Variants in MVB12B observed in about 807,000 individuals in gnomAD.
MVB12B encodes ESCRT-I complex subunit MVB12B.
MVB12B carries 16 observed loss-of-function variants against 41.6 expected under a neutral mutation model. The observed-to-expected ratio is 0.38, with a 90% CI of 0.26 to 0.58. The LOEUF (loss-of-function observed/expected upper bound fraction) is 0.58. Among genes scored for constraint, MVB12B ranks in the 20% least tolerant of loss-of-function variants. The probability of loss-of-function intolerance (pLI) is 0.62; values close to 1 mark genes in which losing one functional copy is unlikely to be tolerated. For synonymous variants in MVB12B, 133 were observed against 139.7 expected (o/e 0.95, Z 0.34); for missense variants, 274 against 380.2 (o/e 0.72, Z 2.32).
chr9:126,477,111 G>A (rs1203594094), intron 7 of MVB12B, among the ~76,000 whole-genome samples: 1 of 152,096 alleles, frequency 6.6e-6, no homozygotes, highest in Non-Finnish European at 1.5e-5. Context: ...GCCCCAGGAA[G>A]CTTCCAGTCA....
intron 3 of MVB12B, among the ~76,000 whole-genome samples, chr9:126,384,834 ATTTT>A (rs11299290): frequency 1.1e-4 from 12 of 111,018 alleles, no homozygotes; most frequent in Admixed American, 9.3e-5. Context: ...TGCCTGGCAG[ATTTT>A]TTTTTTTTTT....
At chr9:126,498,278 G>A (rs1833879746) in intron 9 of MVB12B, among the ~76,000 whole-genome samples, 1 of 152,194 alleles carries the variant, frequency 6.6e-6, no homozygotes, top group Non-Finnish European at 1.5e-5. Context: ...GGGGGGCTTG[G>A]AGAAGCAGAC....
intron 9 of MVB12B, among the ~76,000 whole-genome samples, chr9:126,492,677 A>G (rs1308774190): frequency 6.6e-6 from 1 of 152,146 alleles, no homozygotes; most frequent in African/African-American, 2.4e-5. Flanking sequence ...CCCCATCGCT[A>G]CAAAAATAAA....
At chr9:126,369,262 C>T (rs1461209829) in intron 2 of MVB12B, among the ~76,000 whole-genome samples, 3 of 152,194 alleles carry the variant, frequency 2.0e-5, no homozygotes, top group Non-Finnish European at 4.4e-5. Flanking sequence ...ATTCCTTATG[C>T]ACATTTGTGA....
At chr9:126,502,194 C>T (rs955153155) in intron 9 of MVB12B, among the ~76,000 whole-genome samples, 2 of 152,190 alleles carry the variant, frequency 1.3e-5, no homozygotes, top group East Asian at 1.9e-4. Flanking sequence ...GCTGCCTTGA[C>T]GCAGGGTTCC....
At chr9:126,460,441 G>A (rs1481074986) in intron 7 of MVB12B, among the ~76,000 whole-genome samples, 1 of 152,192 alleles carries the variant, frequency 6.6e-6, no homozygotes, top group African/African-American at 2.4e-5. Context: ...ATCCAGCTGT[G>A]CTCTTGGTCA....
intron 5 of MVB12B, among the ~76,000 whole-genome samples, chr9:126,393,972 C>T (rs927120010): frequency 6.6e-6 from 1 of 152,354 alleles, no homozygotes; most frequent in South Asian, 2.1e-4. Flanking sequence ...GATGAGCCCT[C>T]GTGGCATTTG....
chr9:126,447,607 T>C (rs1016559295), intron 7 of MVB12B, among the ~76,000 whole-genome samples: 1 of 152,208 alleles, frequency 6.6e-6, no homozygotes, highest in Non-Finnish European at 1.5e-5. Flanking sequence ...ATATATCAGT[T>C]TTACTAAATG....
chr9:126,448,426 T>C (rs1380249039), intron 7 of MVB12B: 1 of 152,272 alleles, frequency 6.6e-6, no homozygotes, highest in Non-Finnish European at 1.5e-5. Context: ...TCTATTCTTA[T>C]GGTTCACCAT....
intron 2 of MVB12B, among the ~76,000 whole-genome samples, chr9:126,354,630 A>G (rs905606003): frequency 1.3e-5 from 2 of 152,242 alleles, no homozygotes; most frequent in African/African-American, 4.8e-5. Context: ...CTACACTGAG[A>G]AGGACACAGC....
rs913522732 is a variant in MVB12B at position 126,376,124 on chromosome 9, C to T, written c.205-4940C>T. 4.1e-4 allele frequency among the ~76,000 whole-genome samples: 62 copies of T among 152,312 alleles called. No homozygotes were observed. The highest frequency in any genetic ancestry group is 1.3e-3 in the African/African-American group (55 of 41,564). On this transcript the variant is annotated intron_variant, in intron 2 of 9. Coordinates refer to ENST00000361171, the MANE Select transcript of MVB12B (RefSeq NM_033446.3). The surrounding 1 kb of genome is among the most constrained non-coding windows in gnomAD (Gnocchi z 4.1). Reference sequence around the variant, plus strand: ...TTTTCATTCCTATAATTGATCTCTTCATCTCTGTACTTTACCTTCTGGAAG... The same window carrying T: ...TTTTCATTCCTATAATTGATCTCTTTATCTCTGTACTTTACCTTCTGGAAG...
chr9:126,416,090 G>T (rs946666516), intron 6 of MVB12B, among the ~76,000 whole-genome samples: 1 of 152,230 alleles, frequency 6.6e-6, no homozygotes, highest in Non-Finnish European at 1.5e-5. Context: ...CTTCTCAGCC[G>T]TGGGCGGGTT....
intron 9 of MVB12B, among the ~76,000 whole-genome samples, chr9:126,493,954 T>C (rs1369216670): frequency 6.6e-6 from 1 of 152,220 alleles, no homozygotes; most frequent in Non-Finnish European, 1.5e-5. Context: ...GTCGTTCCTC[T>C]TCCTGTGTGC....
chr9:126,349,575 A>G (rs955573842), intron 2 of MVB12B, among the ~76,000 whole-genome samples: 1 of 152,188 alleles, frequency 6.6e-6, no homozygotes, highest in African/African-American at 2.4e-5. Flanking sequence ...GCATTTGAAG[A>G]ATCTTATATA....
chr9:126,336,275 T>C (rs1388936007), intron 1 of MVB12B, among the ~76,000 whole-genome samples: 2 of 152,194 alleles, frequency 1.3e-5, no homozygotes, highest in African/African-American at 2.4e-5. Context: ...AGAGATGATA[T>C]CAAAGTTCCC....
intron 2 of MVB12B, among the ~76,000 whole-genome samples, chr9:126,356,461 A>G (rs1329300177): frequency 1.3e-5 from 2 of 152,166 alleles, no homozygotes; most frequent in African/African-American, 4.8e-5. Context: ...TATAATTGAC[A>G]TACAATAGAC....
intron 6 of MVB12B, among the ~76,000 whole-genome samples, chr9:126,419,290 G>A (rs986342689): frequency 2.6e-5 from 4 of 152,138 alleles, no homozygotes; most frequent in African/African-American, 9.7e-5. Context: ...TTCCCTCATT[G>A]GTATAGTGAG....
intron 7 of MVB12B, among the ~76,000 whole-genome samples, chr9:126,452,942 G>A (rs1364109459): frequency 6.6e-6 from 1 of 152,072 alleles, no homozygotes; most frequent in African/African-American, 2.4e-5. Context: ...AATACAGGGT[G>A]GGGAATAGTG....
chr9:126,392,091 G>A lies in MVB12B; in HGVS notation c.435G>A (p.Arg145=). The change falls in exon 5 of 10, where the codon AGG becomes AGA. Residue 145 remains arginine, a synonymous_variant. Transcript: ENST00000361171. The surrounding 1 kb of genome is among the most constrained non-coding windows in gnomAD (Gnocchi z 4.8). ...DTQEVAFRKK[R]LCIKFIPRDS... ...AGGAAGTGGCTTTTAGGAAGAAGAG[G>A]CTGTGCATTAAATTTATTCCACGGG... The A allele has an allele frequency of 6.2e-7, 1 of 1,614,208 alleles. No homozygotes were observed. Among genetic ancestry groups the A allele is most frequent in the South Asian group, 1.1e-5 (1 of 91,082 alleles).
Sources: allele counts gnomAD v4.1 joint callset (sites outside exome capture counted in the v4.1 genomes callset), GRCh38; gene constraint gnomAD v4.1.1; non-coding constraint Gnocchi (gnomAD v3.1); transcripts MANE v1.5; gene names NCBI Gene and HGNC (gene_info 2026-07-23, HGNC 2026-07-21).